Variants in TMEM231 observed in about 807,000 individuals in gnomAD.
TMEM231 encodes transmembrane protein 231.
In TMEM231, 40 loss-of-function variants were observed where a neutral mutation model predicts 38.5. The ratio of observed to expected loss-of-function variants is 1.04; its 90% CI spans 0.81 to 1.35. The LOEUF is 1.35. Among genes scored for constraint, TMEM231 ranks in the 40% most tolerant of loss-of-function variants. The pLI is 0.00. For missense variants in TMEM231, 420 were observed against 416.9 expected (o/e 1.01, Z -0.07); for synonymous variants, 199 against 181.7 (o/e 1.10, Z -0.77).
intron 2 of TMEM231, among the ~76,000 whole-genome samples, chr16:75,548,326 C>T (rs886903266): frequency 4.6e-5 from 7 of 152,184 alleles, no homozygotes; most frequent in Non-Finnish European, 1.0e-4. Flanking sequence ...ATTCCAAGTT[C>T]GCGGGGGACA....
intron 2 of TMEM231, among the ~76,000 whole-genome samples, chr16:75,551,969 A>G (rs900136126): frequency 6.6e-6 from 1 of 151,774 alleles, no homozygotes; most frequent in Non-Finnish European, 1.5e-5. Context: ...CTCAAAAAAA[A>G]AAAAGAAAAG....
At position 75,541,408 on chromosome 16, in the gene TMEM231, C is replaced by A; in HGVS notation, c.712G>T (p.Ala238Ser). Residue 238 changes from alanine to serine, a missense_variant, in exon 6 of 7, where the codon GCC becomes TCC. By Grantham distance (99) the Ala-to-Ser change is moderately conservative. Transcript: ENST00000258173. The stretch of plus-strand genomic sequence containing the variant: ...TTAATCACAAATGGAGCATCTGCGG[C>A]CCTGCCCACCAGCCAGATGGGGTTG... ...DPNPIWLVGR[A>S]ADAPFVINAI... 1 of 1,612,010 alleles carries A rather than the reference C, an allele frequency of 6.2e-7. No homozygotes were observed. The highest frequency in any genetic ancestry group is 8.5e-7 in the Non-Finnish European group (1 of 1,178,834).
rs1457534109 is a variant in TMEM231 at position 75,536,797 on chromosome 16, C to T, written c.*3197G>A. 2 of 152,060 alleles carry T rather than the reference C, an allele frequency of 1.3e-5. No individual in the cohort carries two copies. The highest frequency in any genetic ancestry group is 2.4e-5 in the African/African-American group (1 of 41,418). The allele number at this position is 152,060 out of a possible 1,614,324, so 9.4% of individuals were successfully genotyped here. A position where few individuals can be genotyped will look rare whatever the true frequency, so the allele number is the denominator to read the frequency against. ...TTTGTGATACTAAAAAGGTTACATA[C>T]AACAAAAAAGATTAGAAAGATGTGT... On this transcript the variant is annotated 3_prime_UTR_variant, in exon 7 of 7. Coordinates refer to ENST00000258173, the MANE Select transcript of TMEM231 (RefSeq NM_001077418.3).
At chr16:75,546,923 T>A (rs1260646824) in intron 2 of TMEM231, among the ~76,000 whole-genome samples, 1 of 152,100 alleles carries the variant, frequency 6.6e-6, no homozygotes, top group South Asian at 2.1e-4. Context: ...CATATCTATT[T>A]GATAAATTAC....
intron 2 of TMEM231, among the ~76,000 whole-genome samples, chr16:75,552,207 A>C (rs113699612): frequency 0.031 from 4,653 of 152,260 alleles, 113 homozygotes; most frequent in South Asian, 0.065. Context: ...TAGTCCCAGC[A>C]CTTTGGGAGG....
chr16:75,548,954 G>A (rs951329545), intron 2 of TMEM231, among the ~76,000 whole-genome samples: 12 of 152,216 alleles, frequency 7.9e-5, no homozygotes, highest in African/African-American at 2.9e-4. Context: ...CCTGAAGGAA[G>A]TGAAGTGATG....
intron 5 of TMEM231, 127 bp downstream of exon 5, chr16:75,542,475 C>G: frequency 2.3e-6 from 2 of 878,900 alleles, no homozygotes; most frequent in South Asian, 2.8e-5. Context: ...CATATTTGCT[C>G]CCATCGTTGA....
rs984234867 is a variant in TMEM231, at chr16:75,547,508, C to T, written c.310-1554G>A. Among the ~76,000 whole-genome samples the T allele has an allele frequency of 2.6e-5, 4 of 152,266 alleles. No individual in the cohort carries two copies. The East Asian group carries it at 7.7e-4, about 29-fold the overall frequency. On this transcript the variant is annotated intron_variant, in intron 2 of 6. Coordinates refer to ENST00000258173, the MANE Select transcript of TMEM231 (RefSeq NM_001077418.3). Reference sequence around the variant, plus strand: ...AGGGCTGATGATCAAGTTACTGAGGCAATGATGGACTAGTCATTATAGGTA... The same window carrying T: ...AGGGCTGATGATCAAGTTACTGAGGTAATGATGGACTAGTCATTATAGGTA...
In TMEM231 at chr16:75,540,141, G is replaced by A. The variant is rs149118721; in HGVS notation, c.804C>T (p.Phe268=). The A allele has an allele frequency of 2.7e-4, 431 of 1,613,548 alleles. No individual in the cohort carries two copies. The African/African-American group carries it at 4.7e-3, about 18-fold the overall frequency. ...YQPGFWEMVK[F]AWVQYVSILL... ...GGATGCTGACATACTGCACCCAGGC[G>A]AACTTTACCATCTCCCAGAATCCTG... Residue 268 remains phenylalanine (F), a synonymous_variant, in exon 7 of 7, where the codon TTC becomes TTT. Coordinates refer to ENST00000258173, the MANE Select transcript of TMEM231 (RefSeq NM_001077418.3).
At chr16:75,547,540 A>G (rs1354335764) in intron 2 of TMEM231, among the ~76,000 whole-genome samples, 1 of 152,074 alleles carries the variant, frequency 6.6e-6, no homozygotes, top group Non-Finnish European at 1.5e-5. Flanking sequence ...GGTAGGATGA[A>G]AAGAGCCTGC....
intron 2 of TMEM231, chr16:75,546,212 T>G: frequency 9.8e-7 from 1 of 1,016,056 alleles, no homozygotes; most frequent in Admixed American, 2.4e-5. Context: ...AAAAAACATC[T>G]GGATAGTATT....
At position 75,556,243 on chromosome 16, in the gene TMEM231, G is replaced by A. The variant is rs2080810694; in HGVS notation, c.-34C>T. ...CTCGCAGGCACTCCGCGAGCCGGGG[G>A]ACCAAGTTTGGCTTCTCCTGGTTGC... On this transcript the variant is annotated 5_prime_UTR_variant, in exon 1 of 7. Transcript: ENST00000258173. 2.9e-6 allele frequency: 4 copies of A among 1,392,488 alleles called. No individual in the cohort carries two copies. The highest frequency in any genetic ancestry group is 1.6e-5 in the South Asian group (1 of 62,114). The allele number at this position is 1,392,488 out of a possible 1,614,324, so 86.3% of individuals were successfully genotyped here.
Position 75,539,889 on chromosome 16 carries a change from C to G in TMEM231, c.*105G>C. 4 of 979,098 alleles carry G rather than the reference C, an allele frequency of 4.1e-6. No individual in the cohort carries two copies. Among genetic ancestry groups the G allele is most frequent in the Non-Finnish European group, 4.4e-6 (3 of 676,268 alleles). The allele number at this position is 979,098 out of a possible 1,614,324, so 60.7% of individuals were successfully genotyped here. A position where few individuals can be genotyped will look rare whatever the true frequency, so the allele number is the denominator to read the frequency against. On this transcript the variant is annotated 3_prime_UTR_variant, in exon 7 of 7. Transcript: ENST00000258173. ...CCGTTGTCTCTGAGGGAAAAGCACA[C>G]AAGCCCGCAGGTGTCCGCTGGGCTC...
At chr16:75,550,710 T>A (rs2080749293) in intron 2 of TMEM231, among the ~76,000 whole-genome samples, 1 of 147,636 alleles carries the variant, frequency 6.8e-6, no homozygotes, top group East Asian at 2.4e-4. Context: ...TTCATTTAAG[T>A]CGTATTCTTT....
chr16:75,547,720 A>G (rs555341018), intron 2 of TMEM231, among the ~76,000 whole-genome samples: 1 of 152,304 alleles, frequency 6.6e-6, no homozygotes, highest in Non-Finnish European at 1.5e-5. Context: ...TGGAGGTTGC[A>G]GTGAGCCAAG....
At chr16:75,548,908 T>C (rs540147201) in intron 2 of TMEM231, among the ~76,000 whole-genome samples, 57 of 152,040 alleles carry the variant, frequency 3.7e-4, no homozygotes, top group African/African-American at 1.3e-3. Flanking sequence ...TTAACAGAAA[T>C]TTTTAAATAT....
chr16:75,540,319 G>C, intron 6 of TMEM231, 145 bp from the exon 7 acceptor site: 1 of 786,646 alleles, frequency 1.3e-6, no homozygotes, highest in South Asian at 2.1e-5. Flanking sequence ...CCTGAACTTG[G>C]CCAAATGGTA....
chr16:75,544,041 T>G (rs1282245683), intron 4 of TMEM231, among the ~76,000 whole-genome samples: 2 of 152,250 alleles, frequency 1.3e-5, no homozygotes, highest in African/African-American at 4.8e-5. Flanking sequence ...CAGGCTCTGT[T>G]ATCTTTCAAG....
At chr16:75,546,218 G>C in intron 2 of TMEM231, 2 of 971,140 alleles carry the variant, frequency 2.1e-6, no homozygotes, top group Non-Finnish European at 2.9e-6. Context: ...CATCTGGATA[G>C]TATTTGTGCC....
Sources: allele counts gnomAD v4.1 joint callset (sites outside exome capture counted in the v4.1 genomes callset), GRCh38; gene constraint gnomAD v4.1.1; transcripts MANE v1.5; gene names NCBI Gene and HGNC (gene_info 2026-07-23, HGNC 2026-07-21).